The following PRH1 variants were observed in gnomAD, a reference collection of about 807,000 sequenced individuals.
PRH1 encodes salivary acidic proline-rich phosphoprotein 1/2.
In PRH1, 7 loss-of-function variants were observed where a neutral mutation model predicts 7.9. That is an observed-to-expected ratio of 0.89 (90% CI 0.50 to 1.67). PRH1 has a LOEUF of 1.67. PRH1 is among the 40% of genes most tolerant of loss of function. The pLI is 0.00. For synonymous variants in PRH1, 45 were observed against 80.8 expected (o/e 0.56, Z 2.38); for missense variants, 109 against 223.6 (o/e 0.49, Z 3.27).
chr12:11,016,121 C>G (rs1177225712), intron 1 of PRH1, among the ~76,000 whole-genome samples: 5 of 152,212 alleles, frequency 3.3e-5, no homozygotes, highest in African/African-American at 9.6e-5. Flanking sequence ...GAAAGCATAC[C>G]CACTTGGCCA....
At chr12:11,058,455 C>A (rs79095756) in intron 1 of PRH1, among the ~76,000 whole-genome samples, 19,933 of 120,328 alleles carry the variant, frequency 0.17, no homozygotes, top group Non-Finnish European at 0.19. Flanking sequence ...TGCTCTCTCT[C>A]TATATTTCCT....
intron 1 of PRH1, among the ~76,000 whole-genome samples, chr12:11,170,538 C>T (rs1018426698): frequency 3.3e-5 from 5 of 152,196 alleles, no homozygotes; most frequent in African/African-American, 1.2e-4. Flanking sequence ...CAGAGCGAGA[C>T]TCCCGTCTCA....
At chr12:10,985,165 G>T (rs189395952) in intron 1 of PRH1, among the ~76,000 whole-genome samples, 1 of 152,064 alleles carries the variant, frequency 6.6e-6, no homozygotes, top group Admixed American at 6.5e-5. Context: ...TTTTCTAACT[G>T]CATGTTGAGA....
Position 10,918,650 on chromosome 12 carries a change from C to T in PRH1, c.-58-34375G>A, listed in dbSNP as rs113849129. ...AATGTAAGCTCTCACTAGCATTAAA[C>T]GAGACTGCTCGTAACTTTGCACACA... On this transcript the variant is annotated intron_variant, in intron 2 of 3. Coordinates refer to the PRH1 transcript ENST00000539853. Among the ~76,000 whole-genome samples, 595 of 152,294 alleles carry T rather than the reference C, an allele frequency of 3.9e-3. 5 individuals carry two copies. The highest frequency in any genetic ancestry group is 0.014 in the African/African-American group (565 of 41,572).
intron 1 of PRH1, among the ~76,000 whole-genome samples, chr12:11,135,695 G>A (rs763462129): frequency 5.3e-5 from 8 of 152,094 alleles, no homozygotes; most frequent in Non-Finnish European, 1.2e-4. Flanking sequence ...ATGGGGAACG[G>A]CAAAGATTTG....
intron 1 of PRH1, chr12:11,021,924 A>T: frequency 6.2e-7 from 1 of 1,614,234 alleles, no homozygotes; most frequent in Non-Finnish European, 8.5e-7. Flanking sequence ...TGGGATCTTG[A>T]GATCCTTTGC....
intron 1 of PRH1, among the ~76,000 whole-genome samples, chr12:11,125,856 G>A (rs547753404): frequency 6.6e-6 from 1 of 152,326 alleles, no homozygotes; most frequent in South Asian, 2.1e-4. Flanking sequence ...AGAGTGTGGA[G>A]GTAGACTTCC....
intron 1 of PRH1, among the ~76,000 whole-genome samples, chr12:11,025,025 T>C (rs1320989301): frequency 1.3e-5 from 2 of 151,338 alleles, no homozygotes; most frequent in African/African-American, 4.8e-5. Flanking sequence ...TCATTAATTT[T>C]TTTTTTTTTT....
chr12:11,083,517 T>TTTAA (rs1265392784), intron 1 of PRH1, among the ~76,000 whole-genome samples: 9 of 138,520 alleles, frequency 6.5e-5, no homozygotes, highest in Non-Finnish European at 1.1e-4. Context: ...AATATTTTTA[T>TTTAA]TATTGTGAAA....
In PRH1 at chr12:10,884,251, G is replaced by A. The variant is rs376499140; in HGVS notation, c.-34C>T. Reference sequence around the variant, plus strand: ...AGGCTCTGGTGTCACTCCCAACTTTGTGCTGGGAGAAACGTGTCAGCTCCC... The same window carrying A: ...AGGCTCTGGTGTCACTCCCAACTTTATGCTGGGAGAAACGTGTCAGCTCCC... On this transcript the variant is annotated 5_prime_UTR_variant, in exon 1 of 4. Coordinates refer to ENST00000543626, the MANE Select transcript of PRH1 (RefSeq NM_001393989.1). 2.4e-5 allele frequency: 39 copies of A among 1,613,756 alleles called. No individual in the cohort carries two copies. Among genetic ancestry groups the A allele is most frequent in the East Asian group, 8.9e-5 (4 of 44,882 alleles).
intron 2 of PRH1, among the ~76,000 whole-genome samples, chr12:10,934,576 G>A (rs1950260143): frequency 6.6e-6 from 1 of 151,812 alleles, no homozygotes; most frequent in African/African-American, 2.4e-5. Context: ...ACATGTACCT[G>A]TTATACATAC....
intron 1 of PRH1, among the ~76,000 whole-genome samples, chr12:10,991,226 A>G (rs964315553): frequency 6.6e-6 from 1 of 152,222 alleles, no homozygotes; most frequent in African/African-American, 2.4e-5. Flanking sequence ...ATATATAAAA[A>G]TTAACTCATA....
intron 2 of PRH1, among the ~76,000 whole-genome samples, chr12:10,916,976 TGA>T (rs535384894): frequency 1.0e-3 from 153 of 152,122 alleles, no homozygotes; most frequent in African/African-American, 3.5e-3. Flanking sequence ...CTTAGAAGGC[TGA>T]GATGGAAGGA....
chr12:11,086,046 C>T (rs2136243740), intron 1 of PRH1, among the ~76,000 whole-genome samples: 1 of 138,078 alleles, frequency 7.2e-6, no homozygotes, highest in East Asian at 2.0e-4. Flanking sequence ...AATCTGGTTG[C>T]TGTTAACTAA....
At chr12:11,083,832 A>T (rs73063000) in intron 1 of PRH1, among the ~76,000 whole-genome samples, 7,814 of 90,274 alleles carry the variant, frequency 0.087, 11 homozygotes, top group African/African-American at 0.14. Flanking sequence ...ATACTGAATC[A>T]TTTTTCAAAC....
In PRH1 at chr12:11,082,321, C is replaced by T. The variant is rs1408074432; in HGVS notation, n.124-35133G>A. On this transcript the variant is annotated intron_variant and non_coding_transcript_variant, in intron 1 of 4. Coordinates refer to the PRH1 transcript ENST00000541977. ...CTCATAGATACACAATTTTTTTTTT[C>T]GAGATGGAAATTCTCTCTTGTCACC... 2.7e-5 allele frequency among the ~76,000 whole-genome samples: 3 copies of T among 111,668 alleles called. 1 individual carries two copies. Among genetic ancestry groups the T allele is most frequent in the East Asian group, 4.3e-4 (2 of 4,650 alleles). 73.3% of individuals were successfully genotyped at this position (111,668 alleles called of 152,430 possible). A position where few individuals can be genotyped will look rare whatever the true frequency, so the allele number is the denominator to read the frequency against.
At chr12:11,020,792 A>C (rs549110047) in intron 1 of PRH1, among the ~76,000 whole-genome samples, 4 of 152,252 alleles carry the variant, frequency 2.6e-5, no homozygotes, top group African/African-American at 9.6e-5. Flanking sequence ...TTTTTGAGGA[A>C]TATTAGGAAT....
intron 1 of PRH1, among the ~76,000 whole-genome samples, chr12:11,043,502 T>C (rs1942793387): frequency 6.6e-6 from 1 of 152,132 alleles, no homozygotes; most frequent in Non-Finnish European, 1.5e-5. Flanking sequence ...ATAAGCCAAA[T>C]TATCCCTGTT....
intron 1 of PRH1, among the ~76,000 whole-genome samples, chr12:11,038,884 C>T (rs143454161): frequency 0.014 from 2,114 of 152,104 alleles, no homozygotes; most frequent in South Asian, 0.028. Context: ...TGAAAATTCC[C>T]ATTGTGTCGT....
Sources: allele counts gnomAD v4.1 joint callset (sites outside exome capture counted in the v4.1 genomes callset), GRCh38; gene constraint gnomAD v4.1.1; transcripts MANE v1.5; gene names NCBI Gene and HGNC (gene_info 2026-07-23, HGNC 2026-07-21).